Variants in LRRFIP2 observed in about 807,000 individuals in gnomAD.
LRRFIP2 encodes the protein LRR binding FLII interacting protein 2, also known as leucine-rich repeat flightless-interacting protein 2.
A neutral mutation model predicts 125.9 loss-of-function variants in LRRFIP2; 109 were observed. The observed-to-expected ratio is 0.87, with a 90% CI of 0.74 to 1.01. The LOEUF (loss-of-function observed/expected upper bound fraction) is 1.01. Ranked by LOEUF, LRRFIP2 falls within the 50% of genes least tolerant of loss-of-function variation. LRRFIP2 has a pLI of 0.00. For synonymous variants in LRRFIP2, 291 were observed against 293.1 expected (o/e 0.99, Z 0.07); for missense variants, 850 against 862.3 (o/e 0.99, Z 0.18).
At chr3:37,059,111 G>A (rs926974295) in intron 24 of LRRFIP2, among the ~76,000 whole-genome samples, 1 of 152,156 alleles carries the variant, frequency 6.6e-6, no homozygotes, top group Non-Finnish European at 1.5e-5. Flanking sequence ...ATCGAAAAGA[G>A]CAAGCCCCAG....
At position 37,119,121 on chromosome 3, in the gene LRRFIP2, G is replaced by A. The variant is rs181558702; in HGVS notation, c.330+2371C>T. Among the ~76,000 whole-genome samples, 760 of 152,198 alleles carry A rather than the reference G, an allele frequency of 5.0e-3. 6 individuals are homozygous for A. Among genetic ancestry groups the A allele is most frequent in the Non-Finnish European group, 8.4e-3 (573 of 67,982 alleles). On this transcript the variant is annotated intron_variant, in intron 6 of 27. Transcript: ENST00000336686. Reference sequence around the variant, plus strand: ...TAAACATTTAAACTGTGTTAGATGTGCACTCACAGAGAGTAATGTACTAGA... The same window carrying A: ...TAAACATTTAAACTGTGTTAGATGTACACTCACAGAGAGTAATGTACTAGA...
At chr3:37,164,195 TAAACAAGAAAGG>T (rs2096417215) in intron 1 of LRRFIP2, among the ~76,000 whole-genome samples, 1 of 152,048 alleles carries the variant, frequency 6.6e-6, no homozygotes, top group Admixed American at 6.6e-5. Context: ...AAAACAAAGT[TAAACAAGAAAGG>T]AAACAAGTAT....
chr3:37,115,675 C>T (rs1006028900), intron 6 of LRRFIP2, among the ~76,000 whole-genome samples: 3 of 152,166 alleles, frequency 2.0e-5, no homozygotes, highest in Non-Finnish European at 2.9e-5. Flanking sequence ...TTTGAGAAAT[C>T]TGGTCAATGT....
intron 2 of LRRFIP2, among the ~76,000 whole-genome samples, chr3:37,143,029 C>A (rs553286552): frequency 1.3e-5 from 2 of 152,076 alleles, no homozygotes; most frequent in Non-Finnish European, 2.9e-5. Context: ...CTGGCTGTCC[C>A]CCTTGCGCTC....
intron 11 of LRRFIP2, 25 bp downstream of exon 11, chr3:37,109,502 C>T: frequency 6.2e-7 from 1 of 1,613,340 alleles, no homozygotes; most frequent in Non-Finnish European, 8.5e-7. Context: ...CAGCACTGCA[C>T]ACACTGGAAG....
At chr3:37,054,830 G>A (rs553000445) in intron 26 of LRRFIP2, among the ~76,000 whole-genome samples, 6 of 152,182 alleles carry the variant, frequency 3.9e-5, no homozygotes, top group East Asian at 1.9e-4. Flanking sequence ...TTTGGAATGC[G>A]TAAGGGATTT....
At chr3:37,172,215 A>G (rs976783030) in intron 1 of LRRFIP2, among the ~76,000 whole-genome samples, 45 of 152,242 alleles carry the variant, frequency 3.0e-4, no homozygotes, top group Admixed American at 1.6e-3. Flanking sequence ...AAAGACTTAT[A>G]TATGTATTGT....
intron 14 of LRRFIP2, among the ~76,000 whole-genome samples, chr3:37,104,556 T>C (rs1304989091): frequency 6.6e-6 from 1 of 152,268 alleles, no homozygotes; most frequent in East Asian, 1.9e-4. Context: ...ATAACTCATG[T>C]TAAATGGCCT....
chr3:37,060,351 C>T lies in LRRFIP2; in HGVS notation c.1750-1441G>A, dbSNP rs896485215. 6.6e-6 allele frequency among the ~76,000 whole-genome samples: 1 copy of T among 152,118 alleles called. No individual in the cohort carries two copies. Among genetic ancestry groups the T allele is most frequent in the Admixed American group, 6.6e-5 (1 of 15,264 alleles). ...TGAGACAGGGTCTCGCTCTGTGGCC[C>T]AGACTGGAGTGCAGTGGCATGATCT... On this transcript the variant is annotated intron_variant, in intron 24 of 27. Coordinates refer to ENST00000336686, the MANE Select transcript of LRRFIP2 (RefSeq NM_006309.4). This position sits in a 1 kb window ranked among gnomAD's most constrained non-coding sequence, Gnocchi z 4.1.
At chr3:37,173,717 TATC>T (rs1284342484) in intron 1 of LRRFIP2, among the ~76,000 whole-genome samples, 2 of 152,332 alleles carry the variant, frequency 1.3e-5, no homozygotes, top group Non-Finnish European at 1.5e-5. Flanking sequence ...TTTTTCTATA[TATC>T]ATCAACTCTG....
chr3:37,080,048 C>T (rs1011577067), intron 19 of LRRFIP2, among the ~76,000 whole-genome samples: 1 of 152,154 alleles, frequency 6.6e-6, no homozygotes, highest in Non-Finnish European at 1.5e-5. Context: ...GAATTGTACA[C>T]TTTAAATGGA....
chr3:37,111,445 A>G (rs1312542889), intron 8 of LRRFIP2, among the ~76,000 whole-genome samples: 1 of 152,194 alleles, frequency 6.6e-6, no homozygotes, highest in Non-Finnish European at 1.5e-5. Context: ...GGTTCCAAAC[A>G]TTTCCTAGTC....
chr3:37,106,297 T>A (rs1250593195), intron 13 of LRRFIP2, among the ~76,000 whole-genome samples: 1 of 152,216 alleles, frequency 6.6e-6, no homozygotes, highest in Non-Finnish European at 1.5e-5. Flanking sequence ...CCTTTATTCA[T>A]TCCTATGCAG....
intron 2 of LRRFIP2, among the ~76,000 whole-genome samples, chr3:37,144,991 C>T (rs1285645169): frequency 6.6e-6 from 1 of 152,060 alleles, no homozygotes; most frequent in Non-Finnish European, 1.5e-5. Flanking sequence ...GACACTCATG[C>T]CAAAAAAACA....
chr3:37,138,884 A>C (rs2095623860), intron 2 of LRRFIP2, among the ~76,000 whole-genome samples: 1 of 152,242 alleles, frequency 6.6e-6, no homozygotes, highest in Non-Finnish European at 1.5e-5. Context: ...CACTTAAAGA[A>C]AGAATTTTAT....
chr3:37,066,342 T>C lies in LRRFIP2; in HGVS notation c.1465-17A>G. ...CTCTAGGGCCTGGTTTTAGGTAAGG[T>C]AGCAAGGGAAACAATGGCACAGAAA... On this transcript the variant is annotated splice_polypyrimidine_tract_variant and intron_variant, in intron 21 of 27. Coordinates refer to ENST00000336686, the MANE Select transcript of LRRFIP2 (RefSeq NM_006309.4). 1.3e-6 allele frequency: 2 copies of C among 1,595,608 alleles called. No homozygotes were observed. The highest frequency in any genetic ancestry group is 1.7e-6 in the Non-Finnish European group (2 of 1,163,234).
At chr3:37,084,399 A>C (rs2092884724) in intron 18 of LRRFIP2, among the ~76,000 whole-genome samples, 1 of 152,218 alleles carries the variant, frequency 6.6e-6, no homozygotes, top group Admixed American at 6.5e-5. Flanking sequence ...ACAGTGGCTC[A>C]TCTCTGTAAT....
intron 6 of LRRFIP2, among the ~76,000 whole-genome samples, chr3:37,115,708 A>G (rs1353231612): frequency 6.6e-6 from 1 of 152,230 alleles, no homozygotes; most frequent in Non-Finnish European, 1.5e-5. Flanking sequence ...GTATACATAC[A>G]GGTGTGACAC....
chr3:37,135,388 G>A (rs1430304619), intron 2 of LRRFIP2, among the ~76,000 whole-genome samples: 2 of 151,580 alleles, frequency 1.3e-5, no homozygotes, highest in African/African-American at 2.4e-5. Context: ...CACCCAGGAG[G>A]CGGAGGCTGC....
Sources: allele counts gnomAD v4.1 joint callset (sites outside exome capture counted in the v4.1 genomes callset), GRCh38; gene constraint gnomAD v4.1.1; non-coding constraint Gnocchi (gnomAD v3.1); transcripts MANE v1.5; gene names NCBI Gene and HGNC (gene_info 2026-07-23, HGNC 2026-07-21).